Variants in CSTPP1 observed in about 807,000 individuals in gnomAD.
CSTPP1 encodes the protein UPF0705 protein C11orf49.
chr11:46,966,005 G>A, the CSTPP1 span, among the ~76,000 whole-genome samples: 3 of 152,100 alleles, frequency 2.0e-5, no homozygotes, highest in Non-Finnish European at 4.4e-5. Flanking sequence ...AAAAGATCAC[G>A]TTCATTAATA....
At chr11:47,081,951 T>C in the CSTPP1 span, among the ~76,000 whole-genome samples, 1 of 151,232 alleles carries the variant, frequency 6.6e-6, no homozygotes, top group African/African-American at 2.4e-5. Flanking sequence ...TTTTTTTTTT[T>C]TTACAGCAGG....
At chr11:47,086,853 C>T in the CSTPP1 span, among the ~76,000 whole-genome samples, 19 of 152,146 alleles carry the variant, frequency 1.2e-4, no homozygotes, top group East Asian at 3.7e-3. Flanking sequence ...GGAGAAGGAA[C>T]GGGAGTAGAC....
the CSTPP1 span, chr11:47,052,316 C>A: frequency 6.5e-7 from 1 of 1,530,488 alleles, no homozygotes; most frequent in Non-Finnish European, 8.8e-7. Context: ...TCTCTCTGGT[C>A]TCAATTTTTC....
the CSTPP1 span, chr11:47,161,352 C>A: frequency 5.7e-6 from 9 of 1,585,954 alleles, no homozygotes; most frequent in African/African-American, 4.1e-5. Flanking sequence ...CCCTCTGAGT[C>A]CTTTGGGGGC....
At chr11:47,055,470 A>G in the CSTPP1 span, among the ~76,000 whole-genome samples, 1 of 150,746 alleles carries the variant, frequency 6.6e-6, no homozygotes, top group African/African-American at 2.4e-5. Flanking sequence ...AATCAATGCT[A>G]CTGCTACGAA....
the CSTPP1 span, among the ~76,000 whole-genome samples, chr11:46,995,257 T>G: frequency 3.3e-5 from 5 of 152,242 alleles, no homozygotes; most frequent in Non-Finnish European, 7.3e-5. Context: ...TTTGAAAGTT[T>G]TTTTGTGTCT....
At chr11:46,998,616 A>G in the CSTPP1 span, among the ~76,000 whole-genome samples, 24,122 of 152,204 alleles carry the variant, frequency 0.16, 6,440 homozygotes, top group African/African-American at 0.55. Flanking sequence ...AGAATGGGAA[A>G]TAGTGTAAGT....
chr11:47,012,890 GTTAAAC>G, the CSTPP1 span, among the ~76,000 whole-genome samples: 12 of 151,456 alleles, frequency 7.9e-5, no homozygotes, highest in Admixed American at 1.3e-4. Flanking sequence ...TGGGTCTAAT[GTTAAAC>G]TTAAAACAGA....
the CSTPP1 span, among the ~76,000 whole-genome samples, chr11:46,993,388 T>C: frequency 6.6e-6 from 1 of 151,962 alleles, no homozygotes; most frequent in African/African-American, 2.4e-5. Flanking sequence ...TAGGTTTTCT[T>C]CTAGGGTTTT....
the CSTPP1 span, among the ~76,000 whole-genome samples, chr11:46,992,145 A>G: frequency 6.6e-6 from 1 of 152,072 alleles, no homozygotes; most frequent in South Asian, 2.1e-4. Flanking sequence ...TCTATATTTT[A>G]AGTTATTGAA....
the CSTPP1 span, among the ~76,000 whole-genome samples, chr11:46,993,997 CT>C: frequency 6.6e-6 from 1 of 152,116 alleles, no homozygotes; most frequent in Non-Finnish European, 1.5e-5. Flanking sequence ...CTTCACATCC[CT>C]TGTAAGTTGG....
At chr11:46,976,439 CAAT>C in the CSTPP1 span, among the ~76,000 whole-genome samples, 1 of 151,770 alleles carries the variant, frequency 6.6e-6, no homozygotes, top group East Asian at 1.9e-4. Flanking sequence ...CACACACACA[CAAT>C]GAGAGAAATG....
At chr11:47,059,302 T>C in the CSTPP1 span, among the ~76,000 whole-genome samples, 3 of 152,084 alleles carry the variant, frequency 2.0e-5, no homozygotes, top group Admixed American at 2.0e-4. Context: ...TGTACATCTA[T>C]CCCGTTTTTT....
At chr11:46,989,493 G>T in the CSTPP1 span, among the ~76,000 whole-genome samples, 1 of 152,048 alleles carries the variant, frequency 6.6e-6, no homozygotes, top group Non-Finnish European at 1.5e-5. Context: ...TAGAGACAGG[G>T]TTTCAGTATG....
chr11:47,051,667 G>T, the CSTPP1 span, among the ~76,000 whole-genome samples: 1 of 151,484 alleles, frequency 6.6e-6, no homozygotes, highest in Non-Finnish European at 1.5e-5. Context: ...AGGCCAGGGA[G>T]AGTACAGAAA....
the CSTPP1 span, among the ~76,000 whole-genome samples, chr11:47,065,848 A>G: frequency 3.9e-5 from 6 of 151,968 alleles, no homozygotes; most frequent in Non-Finnish European, 7.4e-5. Context: ...GGTTCGAGCA[A>G]TTCACCTGCT....
At chr11:47,125,879 C>T in the CSTPP1 span, among the ~76,000 whole-genome samples, 25 of 151,962 alleles carry the variant, frequency 1.6e-4, no homozygotes, top group African/African-American at 5.3e-4. Flanking sequence ...TAGCCGGGCA[C>T]GGTGGCACGT....
chr11:47,108,989 G>C, the CSTPP1 span: 91,536 of 151,896 alleles, frequency 0.6, 28,219 homozygotes, highest in Middle Eastern at 0.71. Flanking sequence ...TTACAGGCGT[G>C]AGCCACCGCC....
the CSTPP1 span, among the ~76,000 whole-genome samples, chr11:46,980,625 G>A: frequency 1.3e-5 from 2 of 151,966 alleles, no homozygotes; most frequent in African/African-American, 4.8e-5. Context: ...CCAAAAAAAA[G>A]CCACAGATAC....
Sources: allele counts gnomAD v4.1 joint callset (sites outside exome capture counted in the v4.1 genomes callset), GRCh38; gene constraint gnomAD v4.1.1; transcripts MANE v1.5; gene names NCBI Gene and HGNC (gene_info 2026-07-23, HGNC 2026-07-21).